BCAS3: variants seen among roughly 807,000 people sequenced by gnomAD.
The protein encoded by BCAS3 is BCAS3 microtubule associated cell migration factor.
Under a neutral mutation model 116.1 loss-of-function variants are expected in BCAS3, and 53 were observed. That is an observed-to-expected ratio of 0.46 (90% confidence interval 0.37 to 0.57). The LOEUF is 0.57. Ranked by LOEUF, BCAS3 falls within the 20% of genes least tolerant of loss-of-function variation. The probability of loss-of-function intolerance (pLI) is 0.00; values close to 1 mark genes in which losing one functional copy is unlikely to be tolerated. For synonymous variants in BCAS3, 391 were observed against 408.2 expected (o/e 0.96, Z 0.51); for missense variants, 917 against 1,165.4 (o/e 0.79, Z 3.10).
chr17:60,888,022 C>G (rs1262287649), intron 9 of BCAS3, among the ~76,000 whole-genome samples: 1 of 152,164 alleles, frequency 6.6e-6, no homozygotes, highest in Non-Finnish European at 1.5e-5. Context: ...CCCCCAACCC[C>G]TTCACTTGTT....
rs1042052018 is a variant in BCAS3, at chr17:60,962,443, G to A, written c.1221+15091G>A. 1.3e-5 allele frequency among the ~76,000 whole-genome samples: 2 copies of A among 152,042 alleles called. No individual in the cohort carries two copies. The highest frequency in any genetic ancestry group is 2.9e-5 in the Non-Finnish European group (2 of 67,998). On this transcript the variant is annotated intron_variant, in intron 14 of 23. Transcript: ENST00000407086. This position sits in a 1 kb window ranked among gnomAD's most constrained non-coding sequence, Gnocchi z 4.4. ...TTTCTCTGATGACTAGTGATGTTGA[G>A]CATTTTTTTTCATATACCTATTGGC...
chr17:61,100,889 A>G (rs2074284961), intron 22 of BCAS3, among the ~76,000 whole-genome samples: 1 of 152,116 alleles, frequency 6.6e-6, no homozygotes, highest in African/African-American at 2.4e-5. Context: ...TCAACAGTTG[A>G]AGATGCTGAG....
chr17:61,153,736 T>C (rs1255701589), intron 22 of BCAS3, among the ~76,000 whole-genome samples: 1 of 151,644 alleles, frequency 6.6e-6, no homozygotes, highest in African/African-American at 2.4e-5. Flanking sequence ...TGTTTTTTCG[T>C]TTGTTTGGCT....
At chr17:60,806,189 T>C (rs1336861087) in intron 6 of BCAS3, among the ~76,000 whole-genome samples, 1 of 152,068 alleles carries the variant, frequency 6.6e-6, no homozygotes, top group Non-Finnish European at 1.5e-5. Flanking sequence ...GCCTAAATTA[T>C]TACATGCTAG....
rs1477885097 is a variant in BCAS3, at chr17:61,302,190, G to C, written c.2426-66137G>C. 1.3e-5 allele frequency among the ~76,000 whole-genome samples: 2 copies of C among 152,020 alleles called. No homozygotes were observed. Among genetic ancestry groups the C allele is most frequent in the Admixed American group, 6.6e-5 (1 of 15,262 alleles). On this transcript the variant is annotated intron_variant, in intron 22 of 23. Coordinates refer to ENST00000407086, the MANE Select transcript of BCAS3 (RefSeq NM_017679.5). The surrounding 1 kb of genome is among the most constrained non-coding windows in gnomAD (Gnocchi z 4.4). The stretch of plus-strand genomic sequence containing the variant: ...AAACTCCCCCCTCCCCCGACTCCCA[G>C]GGTTCTCCTGTTCTCTCTGGTGTAT...
intron 5 of BCAS3, among the ~76,000 whole-genome samples, chr17:60,722,145 A>T (rs1598296490): frequency 6.6e-6 from 1 of 152,184 alleles, no homozygotes; most frequent in East Asian, 1.9e-4. Context: ...TATTATTAAT[A>T]AAGTTGCTCT....
chr17:61,271,424 A>ATTTTTTTTTTTTT (rs71148400), intron 22 of BCAS3, among the ~76,000 whole-genome samples: 772 of 70,226 alleles, frequency 0.011, 333 homozygotes, highest in South Asian at 0.021. Flanking sequence ...CCATGCCCGG[A>ATTTTTTTTTTTTT]TTTTTTTTTT....
At chr17:60,756,594 G>A (rs2144321535) in intron 6 of BCAS3, among the ~76,000 whole-genome samples, 1 of 152,248 alleles carries the variant, frequency 6.6e-6, no homozygotes, top group African/African-American at 2.4e-5. Context: ...GTGCTGCAGT[G>A]ACATGATTTT....
intron 22 of BCAS3, among the ~76,000 whole-genome samples, chr17:61,168,357 G>C (rs1309823774): frequency 3.3e-5 from 5 of 151,934 alleles, no homozygotes; most frequent in Non-Finnish European, 7.4e-5. Flanking sequence ...CCTATATTTT[G>C]TATTTGGCAT....
intron 14 of BCAS3, among the ~76,000 whole-genome samples, chr17:60,980,322 T>C (rs2062719364): frequency 6.6e-6 from 1 of 152,176 alleles, no homozygotes; most frequent in Non-Finnish European, 1.5e-5. Context: ...ATTTTAGCCA[T>C]TCTTTTCGGT....
rs938876421 is a variant in BCAS3 at position 61,227,188 on chromosome 17, G to A, written c.2426-141139G>A. On this transcript the variant is annotated intron_variant, in intron 22 of 23. Coordinates refer to ENST00000407086, the MANE Select transcript of BCAS3 (RefSeq NM_017679.5). This position sits in a 1 kb window ranked among gnomAD's most constrained non-coding sequence, Gnocchi z 6.1. Reference sequence around the variant, plus strand: ...AGGAATGGAGGAATTACCTGAATGAGTTCCCACAGACTGTCCTAGAGGGGC... The same window carrying A: ...AGGAATGGAGGAATTACCTGAATGAATTCCCACAGACTGTCCTAGAGGGGC... Among the ~76,000 whole-genome samples the A allele has an allele frequency of 3.9e-5, 6 of 152,202 alleles. No individual in the cohort carries two copies. Among genetic ancestry groups the A allele is most frequent in the African/African-American group, 1.4e-4 (6 of 41,446 alleles).
chr17:60,722,813 A>G (rs1395210809), intron 5 of BCAS3, among the ~76,000 whole-genome samples: 1 of 151,942 alleles, frequency 6.6e-6, no homozygotes, highest in Non-Finnish European at 1.5e-5. Flanking sequence ...CATGCCTGTA[A>G]TCCTGGCACT....
At chr17:60,795,844 C>T (rs891746337) in intron 6 of BCAS3, among the ~76,000 whole-genome samples, 12 of 152,102 alleles carry the variant, frequency 7.9e-5, no homozygotes, top group Non-Finnish European at 1.8e-4. Context: ...CATGCGCCAC[C>T]ACACCTGGCT....
intron 10 of BCAS3, among the ~76,000 whole-genome samples, chr17:60,901,130 G>A (rs1201146012): frequency 2.0e-5 from 3 of 151,786 alleles, no homozygotes; most frequent in African/African-American, 4.8e-5. Flanking sequence ...AGAATTACCT[G>A]AACCCAAGAG....
At chr17:60,901,184 C>G (rs2057868985) in intron 10 of BCAS3, among the ~76,000 whole-genome samples, 1 of 151,558 alleles carries the variant, frequency 6.6e-6, no homozygotes, top group Non-Finnish European at 1.5e-5. Context: ...GCACTCCAGC[C>G]TGGGTGACGG....
intron 7 of BCAS3, among the ~76,000 whole-genome samples, chr17:60,855,452 A>ATTTTT (rs565603643): frequency 0.012 from 1,472 of 125,688 alleles, 37 homozygotes; most frequent in East Asian, 0.062. Flanking sequence ...CTATTTTTAA[A>ATTTTT]TTTTTTTTTT....
intron 22 of BCAS3, among the ~76,000 whole-genome samples, chr17:61,110,835 A>G (rs2075034691): frequency 6.6e-6 from 1 of 152,154 alleles, no homozygotes; most frequent in Non-Finnish European, 1.5e-5. Context: ...GCAGACTTAA[A>G]TGTCCCTGTC....
chr17:61,139,960 G>T lies in BCAS3; in HGVS notation c.2425+55396G>T, dbSNP rs1806542379. 6.6e-6 allele frequency among the ~76,000 whole-genome samples: 1 copy of T among 152,190 alleles called. No homozygotes were observed. Among genetic ancestry groups the T allele is most frequent in the Non-Finnish European group, 1.5e-5 (1 of 68,038 alleles). ...TCAAGACACAAAGTGATATGACCGG[G>T]CACAGTGGCTCACGCCTGTAATCCC... On this transcript the variant is annotated intron_variant, in intron 22 of 23. Coordinates refer to ENST00000407086, the MANE Select transcript of BCAS3 (RefSeq NM_017679.5). The surrounding 1 kb of genome is among the most constrained non-coding windows in gnomAD (Gnocchi z 4.7).
chr17:61,142,092 A>ATTT (rs568158934), intron 22 of BCAS3, among the ~76,000 whole-genome samples: 10 of 149,014 alleles, frequency 6.7e-5, no homozygotes, highest in African/African-American at 2.2e-4. Flanking sequence ...CTCTTGTTTT[A>ATTT]TTTTTTTTTA....
Sources: gnomAD v4.1 joint callset for allele counts (sites outside exome capture counted in the v4.1 genomes callset) on GRCh38, gnomAD v4.1.1 for gene constraint, Gnocchi (gnomAD v3.1) non-coding constraint, MANE v1.5 for transcripts, NCBI Gene and HGNC (gene_info 2026-07-23, HGNC 2026-07-21) for gene names.